IQCH: variants seen among roughly 807,000 people sequenced by gnomAD.
IQCH encodes IQ motif containing H.
IQCH carries 98 observed loss-of-function variants against 117.0 expected under a neutral mutation model. The ratio of observed to expected loss-of-function variants is 0.84; its 90% CI spans 0.71 to 0.99. The LOEUF is 0.99. Among genes scored for constraint, IQCH ranks in the 50% least tolerant of loss-of-function variants. The pLI is 0.00. For missense variants in IQCH, 1,102 were observed against 1,243.8 expected (o/e 0.89, Z 1.72); for synonymous variants, 412 against 448.2 (o/e 0.92, Z 1.02).
intron 15 of IQCH, among the ~76,000 whole-genome samples, chr15:67,420,827 T>C (rs192901322): frequency 1.5e-4 from 23 of 152,354 alleles, no homozygotes; most frequent in Admixed American, 6.5e-4. Context: ...GTCAATGTTC[T>C]CTCTGCCCAC....
At position 67,401,877 on chromosome 15, in the gene IQCH, A is replaced by G. The variant is rs1386230786; in HGVS notation, c.2097+1572A>G. Among the ~76,000 whole-genome samples the G allele has an allele frequency of 1.3e-5, 2 of 152,170 alleles. No homozygotes were observed. Among genetic ancestry groups the G allele is most frequent in the Non-Finnish European group, 2.9e-5 (2 of 68,022 alleles). On this transcript the variant is annotated intron_variant, in intron 14 of 20. Coordinates refer to ENST00000335894, the MANE Select transcript of IQCH (RefSeq NM_001031715.3). The surrounding 1 kb of genome is among the most constrained non-coding windows in gnomAD (Gnocchi z 4.7). ...TGAACTGGATTTTATTTCGTATTGT[A>G]TAGATTTTTTTTAAAGCAACACTGT...
At chr15:67,383,788 G>T (rs1465889704) in intron 10 of IQCH, among the ~76,000 whole-genome samples, 1 of 152,146 alleles carries the variant, frequency 6.6e-6, no homozygotes, top group East Asian at 1.9e-4. Flanking sequence ...CAGCTCATTT[G>T]TCCTTCTGCC....
chr15:67,428,092 C>T (rs1466780066), intron 16 of IQCH, among the ~76,000 whole-genome samples: 1 of 152,184 alleles, frequency 6.6e-6, no homozygotes, highest in Non-Finnish European at 1.5e-5. Flanking sequence ...TCCCAAAGTG[C>T]TGGGATTACA....
chr15:67,292,230 ATGT>A lies in IQCH; in HGVS notation c.387+12729_387+12731del, dbSNP rs1324895120. Among the ~76,000 whole-genome samples the A allele has an allele frequency of 5.9e-5, 9 of 152,186 alleles. No individual in the cohort carries two copies. The East Asian group carries it at 1.4e-3, about 23-fold the overall frequency. ...CAGGCTCCAGAACTGTAAGAAATAA[ATGT>A]TGTTGTTGTTTATAAGCCATCCAGA... On this transcript the variant is annotated intron_variant, in intron 4 of 20. Transcript: ENST00000335894.
At chr15:67,278,693 A>G (rs1285348049) in intron 3 of IQCH, among the ~76,000 whole-genome samples, 1 of 152,220 alleles carries the variant, frequency 6.6e-6, no homozygotes, top group Non-Finnish European at 1.5e-5. Context: ...GTTGCTTTTT[A>G]ATGATAATTT....
chr15:67,305,099 T>C (rs1295665033), intron 4 of IQCH, among the ~76,000 whole-genome samples: 1 of 152,126 alleles, frequency 6.6e-6, no homozygotes, highest in African/African-American at 2.4e-5. Flanking sequence ...TGGGAAATTA[T>C]TTAATTTGAG....
chr15:67,277,613 A>G (rs911205374), intron 3 of IQCH, among the ~76,000 whole-genome samples: 1 of 150,040 alleles, frequency 6.7e-6, no homozygotes, highest in African/African-American at 2.5e-5. Context: ...GGCTCACTGC[A>G]AGCTCCGCCT....
rs1042273159 is a variant in IQCH at position 67,370,350 on chromosome 15, C to T, written c.754-1761C>T. Among the ~76,000 whole-genome samples, 1 of 152,206 alleles carries T rather than the reference C, an allele frequency of 6.6e-6. No individual in the cohort carries two copies. The highest frequency in any genetic ancestry group is 2.4e-5 in the African/African-American group (1 of 41,444). ...TGTTGACTGAATCACACGTGACTGG[C>T]AGGACCAGCCAGCTCCATACATGTC... On this transcript the variant is annotated intron_variant, in intron 8 of 20. Transcript: ENST00000335894. The surrounding 1 kb of genome is among the most constrained non-coding windows in gnomAD (Gnocchi z 5.6).
At position 67,342,680 on chromosome 15, in the gene IQCH, A is replaced by G. The variant is rs1969223832; in HGVS notation, c.509-1383A>G. Among the ~76,000 whole-genome samples the G allele has an allele frequency of 6.6e-6, 1 of 152,200 alleles. No homozygotes were observed. The highest frequency in any genetic ancestry group is 1.5e-5 in the Non-Finnish European group (1 of 68,032). ...CAAGATTTTTAAAGTAGTTCAATCT[A>G]GTGTTATAAAAATTAAAACCTGAAG... On this transcript the variant is annotated intron_variant, in intron 5 of 20. Transcript: ENST00000335894. The surrounding 1 kb of genome is among the most constrained non-coding windows in gnomAD (Gnocchi z 4.7).
At chr15:67,451,248 T>C (rs2140990299) in intron 16 of IQCH, among the ~76,000 whole-genome samples, 1 of 152,348 alleles carries the variant, frequency 6.6e-6, no homozygotes, top group Middle Eastern at 3.4e-3. Flanking sequence ...CTCTTAGTTA[T>C]TTCTTGCCTT....
At chr15:67,389,128 C>A in intron 12 of IQCH, 122 bp downstream of exon 12, 1 of 723,532 alleles carries the variant, frequency 1.4e-6, no homozygotes, top group East Asian at 2.7e-5. Flanking sequence ...AACAGCTTTA[C>A]TGATTAGACT....
intron 4 of IQCH, among the ~76,000 whole-genome samples, chr15:67,293,878 G>A (rs550579166): frequency 6.6e-6 from 1 of 152,314 alleles, no homozygotes; most frequent in African/African-American, 2.4e-5. Flanking sequence ...GAAGAGTGAA[G>A]TGGGAAAAGT....
At chr15:67,498,030 T>C (rs910403576) in intron 20 of IQCH, among the ~76,000 whole-genome samples, 11 of 152,132 alleles carry the variant, frequency 7.2e-5, no homozygotes, top group African/African-American at 2.7e-4. Flanking sequence ...TGTGGAAACA[T>C]AGGAGACCCA....
chr15:67,375,375 A>C (rs766533685), intron 10 of IQCH, among the ~76,000 whole-genome samples: 2 of 152,192 alleles, frequency 1.3e-5, no homozygotes, highest in Non-Finnish European at 2.9e-5. Context: ...ACAGTGAGCT[A>C]TGATCATCCC....
Position 67,431,785 on chromosome 15 carries a change from G to A in IQCH, c.2505+10208G>A, listed in dbSNP as rs2082025664. On this transcript the variant is annotated intron_variant, in intron 16 of 20. Transcript: ENST00000335894. This position sits in a 1 kb window ranked among gnomAD's most constrained non-coding sequence, Gnocchi z 4.8. ...CCTCTTGTTTCTTGAGGAGCATGGT[G>A]ATCTGGCTTTTACCAAATAAAAGCT... Among the ~76,000 whole-genome samples, 1 of 152,142 alleles carries A rather than the reference G, an allele frequency of 6.6e-6. No individual in the cohort carries two copies. The highest frequency in any genetic ancestry group is 2.1e-4 in the South Asian group (1 of 4,824).
chr15:67,410,339 A>C (rs537706083), intron 14 of IQCH, among the ~76,000 whole-genome samples: 12 of 152,380 alleles, frequency 7.9e-5, no homozygotes, highest in African/African-American at 2.6e-4. Flanking sequence ...GCTTCAGACA[A>C]GGCTCAATGA....
In IQCH at chr15:67,491,706, A is replaced by T. The variant is rs971847755; in HGVS notation, c.2861+1642A>T. Among the ~76,000 whole-genome samples the T allele has an allele frequency of 6.6e-6, 1 of 152,122 alleles. No homozygotes were observed. Among genetic ancestry groups the T allele is most frequent in the African/African-American group, 2.4e-5 (1 of 41,430 alleles). Reference sequence around the variant, plus strand: ...CTCCACCTAGGCCTTCACATCCAGAATGATAACAGAGCCAGGGACACCTCT... The same window carrying T: ...CTCCACCTAGGCCTTCACATCCAGATTGATAACAGAGCCAGGGACACCTCT... On this transcript the variant is annotated intron_variant, in intron 19 of 20. Transcript: ENST00000335894. The surrounding 1 kb of genome is among the most constrained non-coding windows in gnomAD (Gnocchi z 4.9).
intron 4 of IQCH, among the ~76,000 whole-genome samples, chr15:67,302,434 G>A (rs184508707): frequency 1.3e-5 from 2 of 152,232 alleles, no homozygotes; most frequent in East Asian, 3.9e-4. Flanking sequence ...TTATAATTAG[G>A]TACGACATTA....
At chr15:67,323,921 A>C (rs1236399836) in intron 4 of IQCH, among the ~76,000 whole-genome samples, 1 of 149,914 alleles carries the variant, frequency 6.7e-6, no homozygotes, top group Non-Finnish European at 1.5e-5. Flanking sequence ...CAGCTCGAAG[A>C]ATGTTTTTTA....
Sources: gnomAD v4.1 joint callset for allele counts (sites outside exome capture counted in the v4.1 genomes callset) on GRCh38, gnomAD v4.1.1 for gene constraint, Gnocchi (gnomAD v3.1) non-coding constraint, MANE v1.5 for transcripts, NCBI Gene and HGNC (gene_info 2026-07-23, HGNC 2026-07-21) for gene names.